The following RBFOX1 variants were observed in gnomAD, a reference collection of about 807,000 sequenced individuals.
RBFOX1 encodes the protein RNA binding protein fox-1 homolog 1.
In RBFOX1, 8 loss-of-function variants were observed where a neutral mutation model predicts 57.7. That is an observed-to-expected ratio of 0.14 (90% CI 0.08 to 0.25). The LOEUF is 0.25. Among genes scored for constraint, RBFOX1 ranks in the 10% least tolerant of loss-of-function variants. The pLI is 1.00. For synonymous variants in RBFOX1, 326 were observed against 222.4 expected, an observed-to-expected ratio of 1.47 and a Z score of -4.15; for missense variants, 611 against 548.5, an observed-to-expected ratio of 1.11 and a Z score of -1.14.
At chr16:6,642,343 T>C (rs1399475576) in intron 2 of RBFOX1, among the ~76,000 whole-genome samples, 1 of 152,186 alleles carries the variant, frequency 6.6e-6, no homozygotes, top group East Asian at 1.9e-4. Context: ...TACAGTTAAT[T>C]AAAAGCGCTC....
At chr16:5,897,008 TC>T (rs1050456719) in intron 4 of RBFOX1, among the ~76,000 whole-genome samples, 3 of 136,620 alleles carry the variant, frequency 2.2e-5, no homozygotes, top group African/African-American at 8.1e-5. Flanking sequence ...TAAAAATGTA[TC>T]CATCCGCTTT....
intron 4 of RBFOX1, among the ~76,000 whole-genome samples, chr16:7,101,159 T>G (rs1043064391): frequency 2.6e-5 from 4 of 152,182 alleles, no homozygotes; most frequent in Admixed American, 2.6e-4. Context: ...GAGTATTAAT[T>G]TAGTCAGAGC....
chr16:5,689,843 T>C (rs1002458800), intron 3 of RBFOX1, among the ~76,000 whole-genome samples: 2 of 151,014 alleles, frequency 1.3e-5, no homozygotes, highest in Admixed American at 1.3e-4. Context: ...AAATAAGTTA[T>C]GTATTATGGT....
At chr16:7,238,686 C>T (rs539267560) in intron 4 of RBFOX1, among the ~76,000 whole-genome samples, 1 of 152,136 alleles carries the variant, frequency 6.6e-6, no homozygotes, top group African/African-American at 2.4e-5. Context: ...AGGCTTGTTA[C>T]ATAGGTAAAC....
chr16:5,284,638 C>T (rs1437529502), intron 1 of RBFOX1, among the ~76,000 whole-genome samples: 1 of 150,248 alleles, frequency 6.7e-6, no homozygotes, highest in African/African-American at 2.4e-5. Context: ...AACTCCTGGG[C>T]TCAAATGATC....
chr16:7,574,508 A>G (rs1312189247), intron 5 of RBFOX1, among the ~76,000 whole-genome samples: 1 of 152,154 alleles, frequency 6.6e-6, no homozygotes, highest in Admixed American at 6.5e-5. Context: ...AAGGTCCAAG[A>G]GTCCAAAAGC....
intron 3 of RBFOX1, among the ~76,000 whole-genome samples, chr16:7,039,304 C>G (rs192756435): frequency 6.6e-6 from 1 of 152,184 alleles, no homozygotes; most frequent in African/African-American, 2.4e-5. Context: ...GTCCGTCTCC[C>G]TTGACCCTCC....
intron 3 of RBFOX1, among the ~76,000 whole-genome samples, chr16:6,686,328 A>T (rs2059430107): frequency 6.6e-6 from 1 of 152,138 alleles, no homozygotes. Flanking sequence ...GCTTAGTCTG[A>T]GCCCTCGCCC....
chr16:7,065,876 T>C (rs1034317749), intron 4 of RBFOX1, among the ~76,000 whole-genome samples: 2 of 152,170 alleles, frequency 1.3e-5, no homozygotes, highest in Non-Finnish European at 2.9e-5. Flanking sequence ...TTTTAGACGC[T>C]ACATGGAAGT....
chr16:5,773,417 T>G (rs949644716), intron 3 of RBFOX1, among the ~76,000 whole-genome samples: 1 of 152,204 alleles, frequency 6.6e-6, no homozygotes, highest in African/African-American at 2.4e-5. Flanking sequence ...GATCATAGTA[T>G]GCATATTGCT....
At chr16:5,635,032 G>A (rs925554165) in intron 3 of RBFOX1, among the ~76,000 whole-genome samples, 3 of 152,138 alleles carry the variant, frequency 2.0e-5, no homozygotes, top group African/African-American at 7.2e-5. Context: ...GGCAGTCTCA[G>A]AGTCTATTAC....
intron 3 of RBFOX1, among the ~76,000 whole-genome samples, chr16:6,821,136 G>T (rs1338943249): frequency 2.6e-5 from 4 of 152,176 alleles, no homozygotes; most frequent in East Asian, 1.9e-4. Flanking sequence ...ATGAGATTCA[G>T]TGCCAGGTTT....
chr16:6,539,405 C>G (rs2096780298), intron 2 of RBFOX1, among the ~76,000 whole-genome samples: 1 of 152,158 alleles, frequency 6.6e-6, no homozygotes, highest in South Asian at 2.1e-4. Context: ...CACTCCACAT[C>G]AACGCTGGCT....
At chr16:7,588,821 T>G (rs2094278577) in intron 7 of RBFOX1, among the ~76,000 whole-genome samples, 1 of 152,114 alleles carries the variant, frequency 6.6e-6, no homozygotes, top group East Asian at 1.9e-4. Context: ...CTAAGTAAAT[T>G]TAGTACTAAT....
chr16:6,084,411 G>A (rs990152057), intron 1 of RBFOX1, among the ~76,000 whole-genome samples: 2 of 151,840 alleles, frequency 1.3e-5, no homozygotes, highest in African/African-American at 4.8e-5. Flanking sequence ...GTCCAGCTAT[G>A]TTTTGTATTT....
At position 5,732,429 on chromosome 16, in the gene RBFOX1, G is replaced by T. The variant is rs189022808; in HGVS notation, c.318+133468G>T. On this transcript the variant is annotated intron_variant, in intron 3 of 19. Coordinates refer to the RBFOX1 transcript ENST00000641259. Reference sequence around the variant, plus strand: ...AAGAAAGCTTAGTGGCAGTATGATTGTCTCTCCAAGAGATTCAAACTGCAG... The same window carrying T: ...AAGAAAGCTTAGTGGCAGTATGATTTTCTCTCCAAGAGATTCAAACTGCAG... Among the ~76,000 whole-genome samples the T allele has an allele frequency of 5.7e-3, 875 of 152,296 alleles. 6 individuals are homozygous for T. The highest frequency in any genetic ancestry group is 8.1e-3 in the Non-Finnish European group (551 of 68,028).
intron 1 of RBFOX1, among the ~76,000 whole-genome samples, chr16:5,393,240 C>T (rs1162848005): frequency 6.6e-6 from 1 of 152,138 alleles, no homozygotes; most frequent in Non-Finnish European, 1.5e-5. Context: ...CAGCACTGGA[C>T]ACGGTGCCCT....
At chr16:5,536,001 G>T (rs192518279) in intron 2 of RBFOX1, among the ~76,000 whole-genome samples, 1 of 152,076 alleles carries the variant, frequency 6.6e-6, no homozygotes, top group East Asian at 1.9e-4. Context: ...GCCACACACC[G>T]AAATCTTTCT....
intron 4 of RBFOX1, among the ~76,000 whole-genome samples, chr16:5,873,657 G>T (rs994967995): frequency 1.3e-5 from 2 of 152,200 alleles, no homozygotes; most frequent in African/African-American, 2.4e-5. Flanking sequence ...ATAACTGATG[G>T]TTCATTATAG....
Sources: gnomAD v4.1 joint callset for allele counts (sites outside exome capture counted in the v4.1 genomes callset) on GRCh38, gnomAD v4.1.1 for gene constraint, MANE v1.5 for transcripts, NCBI Gene and HGNC (gene_info 2026-07-23, HGNC 2026-07-21) for gene names.